Variants in LRIG1 observed in about 807,000 individuals in gnomAD.
LRIG1 encodes leucine rich repeats and immunoglobulin like domains 1.
A neutral mutation model predicts 99.2 loss-of-function variants in LRIG1; 48 were observed. The observed-to-expected ratio is 0.48, with a 90% CI of 0.38 to 0.62. LRIG1 has a LOEUF of 0.62. Among genes scored for constraint, LRIG1 ranks in the 20% least tolerant of loss-of-function variants. The probability of loss-of-function intolerance (pLI) is 0.00; values close to 1 mark genes in which losing one functional copy is unlikely to be tolerated. For synonymous variants in LRIG1, 772 were observed against 596.1 expected (o/e 1.29, Z -4.30); for missense variants, 1,646 against 1,434.4 (o/e 1.15, Z -2.38).
chr3:66,399,847 G>T (rs75381933), intron 9 of LRIG1, among the ~76,000 whole-genome samples: 5,961 of 152,308 alleles, frequency 0.039, 176 homozygotes, highest in South Asian at 0.076. Flanking sequence ...TCCCAAAAGA[G>T]GCAAGAAGAG....
chr3:66,479,745 T>C (rs527868714), intron 1 of LRIG1, among the ~76,000 whole-genome samples: 4 of 152,276 alleles, frequency 2.6e-5, no homozygotes, highest in African/African-American at 9.6e-5. Context: ...CAACACAAGA[T>C]ACCACAACAC....
At chr3:66,420,229 C>A (rs2106706958) in intron 3 of LRIG1, among the ~76,000 whole-genome samples, 1 of 152,174 alleles carries the variant, frequency 6.6e-6, no homozygotes, top group East Asian at 1.9e-4. Flanking sequence ...AAATGTAAAC[C>A]ACAACCACAA....
Position 66,485,964 on chromosome 3 carries a change from A to C in LRIG1, c.218+14226T>G, listed in dbSNP as rs535540496. On this transcript the variant is annotated intron_variant, in intron 1 of 18. Coordinates refer to ENST00000273261, the MANE Select transcript of LRIG1 (RefSeq NM_015541.3). ...GTCAAAGGGAGGCCAGAAAGAAGGC[A>C]GTGCTAGTCTTACCGTATTTTCTTC... Among the ~76,000 whole-genome samples, 99 of 152,358 alleles carry C rather than the reference A, an allele frequency of 6.5e-4. 2 individuals are homozygous for C. In the South Asian group the frequency reaches 0.02, roughly 31 times the overall value.
rs1326672100 is a variant in LRIG1, at chr3:66,379,988, G to A, written c.*275C>T. The A allele has an allele frequency of 2.3e-5, 6 of 260,000 alleles. No individual in the cohort carries two copies. Among genetic ancestry groups the A allele is most frequent in the South Asian group, 1.3e-4 (1 of 7,728 alleles). 16.1% of individuals were successfully genotyped at this position (260,000 alleles called of 1,614,324 possible). Reference sequence around the variant, plus strand: ...TGTATAATTTTTTTCTGTTAACCATGCACTAAAGATTAAAATAGCCTCTGT... The same window carrying A: ...TGTATAATTTTTTTCTGTTAACCATACACTAAAGATTAAAATAGCCTCTGT... On this transcript the variant is annotated 3_prime_UTR_variant, in exon 19 of 19. Coordinates refer to ENST00000273261, the MANE Select transcript of LRIG1 (RefSeq NM_015541.3).
At position 66,483,052 on chromosome 3, in the gene LRIG1, C is replaced by A. The variant is rs565599818; in HGVS notation, c.218+17138G>T. ...TAACTAGGCTAACAGATCAATAGCA[C>A]CCCCTCCAGCACCCCCCGTAAGGCC... On this transcript the variant is annotated intron_variant, in intron 1 of 18. Coordinates refer to ENST00000273261, the MANE Select transcript of LRIG1 (RefSeq NM_015541.3). 3.9e-5 allele frequency among the ~76,000 whole-genome samples: 6 copies of A among 152,158 alleles called. No homozygotes were observed. In the South Asian group the frequency reaches 1.2e-3, roughly 32 times the overall value.
At position 66,500,294 on chromosome 3, in the gene LRIG1, C is replaced by T; in HGVS notation, c.114G>A (p.Arg38=). The change falls in exon 1 of 19, where the codon CGG becomes CGA. Residue 38 remains arginine, a synonymous_variant. Transcript: ENST00000273261. ...AAGTGCAGGCGGCCGCGCAGGGCGCCCGCGGGCCGGCCGCGGCGGTCACCG... is the reference window on the plus strand; with the variant it reads ...AAGTGCAGGCGGCCGCGCAGGGCGCTCGCGGGCCGGCCGCGGCGGTCACCG... ...LEPVTAAAGP[R]APCAAACTCA... 6.8e-7 allele frequency: 1 copy of T among 1,474,130 alleles called. No individual in the cohort carries two copies. Among genetic ancestry groups the T allele is most frequent in the African/African-American group, 1.4e-5 (1 of 69,102 alleles). 91.3% of individuals were successfully genotyped at this position (1,474,130 alleles called of 1,614,324 possible).
intron 1 of LRIG1, among the ~76,000 whole-genome samples, chr3:66,489,154 T>C (rs959897998): frequency 1.1e-4 from 17 of 152,178 alleles, no homozygotes; most frequent in African/African-American, 4.1e-4. Context: ...AAAGGGTCCC[T>C]CATTGAGACT....
intron 3 of LRIG1, among the ~76,000 whole-genome samples, chr3:66,421,959 C>T (rs1366850745): frequency 2.6e-5 from 4 of 152,234 alleles, no homozygotes; most frequent in Non-Finnish European, 5.9e-5. Flanking sequence ...TGGAAGCTGC[C>T]AAGACTTGGG....
chr3:66,455,190 C>T (rs1481652678), intron 2 of LRIG1, among the ~76,000 whole-genome samples: 1 of 152,184 alleles, frequency 6.6e-6, no homozygotes, highest in Non-Finnish European at 1.5e-5. Flanking sequence ...GGTGATCCGC[C>T]CTTCTCGGCC....
chr3:66,492,912 G>A (rs994089118), intron 1 of LRIG1, among the ~76,000 whole-genome samples: 6 of 152,194 alleles, frequency 3.9e-5, no homozygotes. Context: ...CACAAGGAGT[G>A]ATAGCAAACA....
At chr3:66,383,948 T>TCTCACA (rs4071605) in intron 14 of LRIG1, 43 bp downstream of exon 14, 2 of 1,520,812 alleles carry the variant, frequency 1.3e-6, no homozygotes, top group Middle Eastern at 1.9e-4. Context: ...TCTCTCTCGC[T>TCTCACA]CACACACACA....
intron 3 of LRIG1, among the ~76,000 whole-genome samples, chr3:66,420,902 G>T (rs181392081): frequency 5.1e-4 from 77 of 152,322 alleles, no homozygotes; most frequent in African/African-American, 1.7e-3. Context: ...TGGACTCACA[G>T]TTCCACGTGG....
intron 8 of LRIG1, chr3:66,405,739 G>T: frequency 8.9e-7 from 1 of 1,121,062 alleles, no homozygotes; most frequent in African/African-American, 1.6e-5. Flanking sequence ...GCCGGCCCGT[G>T]GGCGCCTCCG....
chr3:66,494,543 A>G (rs1701185208), intron 1 of LRIG1, among the ~76,000 whole-genome samples: 1 of 152,258 alleles, frequency 6.6e-6, no homozygotes, highest in African/African-American at 2.4e-5. Context: ...AGTGAAATGG[A>G]GAAACAGCTT....
intron 3 of LRIG1, among the ~76,000 whole-genome samples, chr3:66,419,578 G>A (rs375186259): frequency 1.1e-4 from 16 of 152,268 alleles, no homozygotes; most frequent in African/African-American, 3.1e-4. Context: ...GCAGAAGCCA[G>A]GAGCTTGGAT....
At chr3:66,413,905 A>G (rs1353203441) in intron 5 of LRIG1, among the ~76,000 whole-genome samples, 1 of 152,186 alleles carries the variant, frequency 6.6e-6, no homozygotes, top group East Asian at 1.9e-4. Flanking sequence ...TGTTTTGTTG[A>G]AACAAAATTT....
At chr3:66,439,326 C>T (rs1221257724) in intron 3 of LRIG1, among the ~76,000 whole-genome samples, 2 of 152,226 alleles carry the variant, frequency 1.3e-5, no homozygotes, top group Non-Finnish European at 2.9e-5. Flanking sequence ...TGTTTTTCCC[C>T]TTATAAAAAG....
chr3:66,397,860 G>A (rs1308353319), intron 11 of LRIG1, among the ~76,000 whole-genome samples: 4 of 152,210 alleles, frequency 2.6e-5, no homozygotes, highest in African/African-American at 7.2e-5. Flanking sequence ...TTCAGCCTGC[G>A]GCCCGACTGC....
At chr3:66,489,575 G>T (rs537814307) in intron 1 of LRIG1, among the ~76,000 whole-genome samples, 1 of 150,728 alleles carries the variant, frequency 6.6e-6, no homozygotes, top group South Asian at 2.1e-4. Flanking sequence ...CAGAGAGAGA[G>T]AGAATGTTTA....
Sources: gnomAD v4.1 joint callset for allele counts (sites outside exome capture counted in the v4.1 genomes callset) on GRCh38, gnomAD v4.1.1 for gene constraint, MANE v1.5 for transcripts, NCBI Gene and HGNC (gene_info 2026-07-23, HGNC 2026-07-21) for gene names.